Variants in IL17RE observed in about 807,000 individuals in gnomAD.
IL17RE encodes the protein interleukin 17 receptor E.
A neutral mutation model predicts 70.7 loss-of-function variants in IL17RE; 47 were observed. That is an observed-to-expected ratio of 0.67 (90% confidence interval 0.53 to 0.85). The LOEUF is 0.85. IL17RE is among the 40% of genes least tolerant of loss of function. IL17RE has a pLI of 0.00. For synonymous variants in IL17RE, 372 were observed against 381.2 expected, an observed-to-expected ratio of 0.98 and a Z score of 0.28; for missense variants, 850 against 893.9, an observed-to-expected ratio of 0.95 and a Z score of 0.63.
rs1471921078 is a variant in IL17RE, at chr3:9,915,432, G to A, written c.1629G>A (p.Ala543=). 2.2e-6 allele frequency: 3 copies of A among 1,356,092 alleles called. No individual in the cohort carries two copies. The highest frequency in any genetic ancestry group is 1.9e-5 in the South Asian group (1 of 53,128). The allele number at this position is 1,356,092 out of a possible 1,614,324, so 84.0% of individuals were successfully genotyped here. Residue 543 remains alanine, a synonymous_variant, in exon 16 of 16, where the codon GCG becomes GCA. Coordinates refer to ENST00000383814, the MANE Select transcript of IL17RE (RefSeq NM_153480.2). The surrounding 1 kb of genome is among the most constrained non-coding windows in gnomAD (Gnocchi z 4.9). ...TGGGCCCGCTGCCGTGGCTCTGGGC[G>A]GCGCGGACGCGCGTAGCGCGGGAGC... The part of the protein sequence containing the change: ...ARVGPLPWLW[A]ARTRVAREQG...
At position 9,908,319 on chromosome 3, in the gene IL17RE, A is replaced by G; in HGVS notation, c.735+12A>G. ...GTCTGTGCATAGAGGTGAGCAAAGG[A>G]AAAGGTGTGGGCTGTCCATGGCTCT... is the stretch of plus-strand genomic sequence containing the variant. On this transcript the variant is annotated intron_variant, in intron 7 of 15. Transcript: ENST00000383814. 1 of 1,611,610 alleles carries G rather than the reference A, an allele frequency of 6.2e-7. No homozygotes were observed. The highest frequency in any genetic ancestry group is 8.5e-7 in the Non-Finnish European group (1 of 1,177,946).
rs188907497 is a variant in IL17RE, at chr3:9,906,725, G to T, written c.386G>T (p.Arg129Leu). The change falls in exon 5 of 16, where the codon CGT becomes CTT. Residue 129 changes from arginine (R) to leucine (L), a missense_variant. Transcript: ENST00000383814. ...CTTTAGAGGAAGCTGCTGCCTCGTCGTCACCTGTCTGAGAAGAGCCATCAC... is the reference window on the plus strand; with the variant it reads ...CTTTAGAGGAAGCTGCTGCCTCGTCTTCACCTGTCTGAGAAGAGCCATCAC... ...APAQRKLLPR[R>L]HLSEKSHHIS... 1 of 1,614,038 alleles carries T rather than the reference G, an allele frequency of 6.2e-7. No individual in the cohort carries two copies. The highest frequency in any genetic ancestry group is 8.5e-7 in the Non-Finnish European group (1 of 1,180,046).
At position 9,914,543 on chromosome 3, in the gene IL17RE, C is replaced by T; in HGVS notation, c.1297-5C>T. ...TCATAGGGGTGGGGGGCTCTGTGCCCTCAGGTGTGGCGGTCAGATGTCCAG... is the reference window on the plus strand; with the variant it reads ...TCATAGGGGTGGGGGGCTCTGTGCCTTCAGGTGTGGCGGTCAGATGTCCAG... On this transcript the variant is annotated splice_polypyrimidine_tract_variant and splice_region_variant and intron_variant, in intron 13 of 15. Coordinates refer to ENST00000383814, the MANE Select transcript of IL17RE (RefSeq NM_153480.2). The T allele has an allele frequency of 6.2e-7, 1 of 1,613,928 alleles. No homozygotes were observed. Among genetic ancestry groups the T allele is most frequent in the Non-Finnish European group, 8.5e-7 (1 of 1,179,900 alleles).
chr3:9,907,408 A>AATT (rs1231415247), intron 6 of IL17RE, among the ~76,000 whole-genome samples: 1 of 151,162 alleles, frequency 6.6e-6, no homozygotes, highest in African/African-American at 2.5e-5. Context: ...TTAATTAATT[A>AATT]AATTAAATTT....
chr3:9,905,094 CAAAAAAAA>C (rs71626946), intron 3 of IL17RE, among the ~76,000 whole-genome samples: 27 of 56,158 alleles, frequency 4.8e-4, no homozygotes, highest in Non-Finnish European at 1.9e-4. Flanking sequence ...GACCCTGTCT[CAAAAAAAA>C]AAAAAAAAAA....
intron 4 of IL17RE, 28 bp from the exon 5 acceptor site, chr3:9,906,677 CT>C (rs759911002): frequency 1.2e-6 from 2 of 1,611,898 alleles, no homozygotes; most frequent in South Asian, 2.2e-5. Flanking sequence ...GATTTCTGGC[CT>C]GAGGCCAACC....
Position 9,915,845 on chromosome 3 carries a change from A to C in IL17RE, c.*38A>C, listed in dbSNP as rs1208898880. ...CGCAGTCCCGGGTGTCTGCGGCCGCAACGCAACGGACACTGGCTGGAACCC... is the reference window on the plus strand; with the variant it reads ...CGCAGTCCCGGGTGTCTGCGGCCGCCACGCAACGGACACTGGCTGGAACCC... On this transcript the variant is annotated 3_prime_UTR_variant, in exon 16 of 16. Transcript: ENST00000383814. This position sits in a 1 kb window ranked among gnomAD's most constrained non-coding sequence, Gnocchi z 4.9. The C allele has an allele frequency of 1.8e-5, 27 of 1,464,910 alleles. No homozygotes were observed. The South Asian group carries it at 3.5e-4, about 19-fold the overall frequency. 90.7% of individuals were successfully genotyped at this position (1,464,910 alleles called of 1,614,324 possible). A position where few individuals can be genotyped will look rare whatever the true frequency, so the allele number is the denominator to read the frequency against.
chr3:9,910,776 C>T (rs1481291917), intron 8 of IL17RE, 89 bp from the exon 9 acceptor site: 3 of 1,184,472 alleles, frequency 2.5e-6, no homozygotes, highest in Admixed American at 2.2e-5. Context: ...CTTTTACAAA[C>T]ATTATCTCCA....
At chr3:9,909,364 C>T in intron 8 of IL17RE, 81 bp downstream of exon 8, 1 of 1,155,136 alleles carries the variant, frequency 8.7e-7, no homozygotes. Flanking sequence ...TACACACACA[C>T]ACACACACAC....
In IL17RE at chr3:9,911,214, T is replaced by C. The variant is rs375541320; in HGVS notation, c.1026+40T>C. 8 of 1,614,202 alleles carry C rather than the reference T, an allele frequency of 5.0e-6. No homozygotes were observed. The African/African-American group carries it at 1.1e-4, about 22-fold the overall frequency. On this transcript the variant is annotated intron_variant, in intron 10 of 15. Transcript: ENST00000383814. Reference sequence around the variant, plus strand: ...AAGAAAAGATGTGGTGTAGTGGGTATTGCCTGGAGCTTGCTAATCTGCCAT... The same window carrying C: ...AAGAAAAGATGTGGTGTAGTGGGTACTGCCTGGAGCTTGCTAATCTGCCAT...
chr3:9,910,965 T>TTC lies in IL17RE; in HGVS notation c.903_904insTC (p.Ala302SerfsTer65), dbSNP rs745644445. The TTC allele has an allele frequency of 4.0e-5, 65 of 1,614,172 alleles. No homozygotes were observed. Among genetic ancestry groups the TTC allele is most frequent in the Non-Finnish European group, 5.2e-5 (61 of 1,180,018 alleles). ...TCCGCTGCCCACTGAAGCTGGAAGC[T>TTC]GCCCTCTGCCAGAGGCACGACTGGC... is the stretch of plus-strand genomic sequence containing the variant. On this transcript the variant is annotated frameshift_variant, in exon 9 of 16. Transcript: ENST00000383814. LOFTEE classifies it high-confidence loss of function.
rs776452599 is a variant in IL17RE at position 9,906,353 on chromosome 3, C to T, written c.269-11C>T. 10 of 1,593,166 alleles carry T rather than the reference C, an allele frequency of 6.3e-6. No individual in the cohort carries two copies. The highest frequency in any genetic ancestry group is 7.8e-6 in the Non-Finnish European group (9 of 1,161,234). On this transcript the variant is annotated splice_polypyrimidine_tract_variant and intron_variant, in intron 3 of 15. Transcript: ENST00000383814. ...TGAGGGCTAGATAGTAAGTACGTCT[C>T]CCCTGCACAGGTCTTCAACGGGGCC...
intron 1 of IL17RE, 92 bp from the exon 2 acceptor site, chr3:9,903,304 AT>A: frequency 6.9e-7 from 1 of 1,454,470 alleles, no homozygotes; most frequent in South Asian, 1.1e-5. Flanking sequence ...GAATTTGCTG[AT>A]TTGAAGCAAA....
rs1416886049 is a variant in IL17RE, at chr3:9,910,913, A to G, written c.851A>G (p.His284Arg). The change falls in exon 9 of 16, where the codon CAC (histidine) becomes CGC (arginine). Residue 284 changes from histidine to arginine, a missense_variant. By Grantham distance (29) the His-to-Arg change is conservative. Transcript: ENST00000383814. ...KSVHFTDYSQ[H>R]TQMVMALTLR... The stretch of plus-strand genomic sequence containing the variant: ...GTGCACTTCACTGACTACAGCCAGC[A>G]CACTCAGATGGTCATGGCCCTGACA... The G allele has an allele frequency of 2.5e-6, 4 of 1,614,056 alleles. No individual in the cohort carries two copies. Among genetic ancestry groups the G allele is most frequent in the Non-Finnish European group, 3.4e-6 (4 of 1,180,038 alleles).
chr3:9,906,724 C>A lies in IL17RE; in HGVS notation c.385C>A (p.Arg129Ser). 1 of 1,614,202 alleles carries A rather than the reference C, an allele frequency of 6.2e-7. No individual in the cohort carries two copies. Among genetic ancestry groups the A allele is most frequent in the Non-Finnish European group, 8.5e-7 (1 of 1,180,040 alleles). ...CCTTTAGAGGAAGCTGCTGCCTCGT[C>A]GTCACCTGTCTGAGAAGAGCCATCA... ...APAQRKLLPRRHLSEKSHHIS... is the reference protein window; with the variant it reads ...APAQRKLLPRSHLSEKSHHIS... The change falls in exon 5 of 16, where the codon CGT (arginine) becomes AGT (serine). Residue 129 changes from arginine to serine, a missense_variant. Physicochemically the swap from Arg to Ser is moderately radical, Grantham distance 110. Coordinates refer to ENST00000383814, the MANE Select transcript of IL17RE (RefSeq NM_153480.2).
chr3:9,908,890 G>C (rs1158324999), intron 7 of IL17RE, among the ~76,000 whole-genome samples: 3 of 152,184 alleles, frequency 2.0e-5, no homozygotes, highest in South Asian at 2.1e-4. Context: ...AGCCAACACA[G>C]AGCACTGGGT....
chr3:9,903,810 T>G (rs1023726653), intron 2 of IL17RE, among the ~76,000 whole-genome samples: 2 of 152,246 alleles, frequency 1.3e-5, no homozygotes, highest in Non-Finnish European at 2.9e-5. Flanking sequence ...CTTCCTATTT[T>G]ATGGTATGTT....
rs2082668008 is a variant in IL17RE, at chr3:9,902,905, T to C, written c.-28T>C. On this transcript the variant is annotated 5_prime_UTR_variant, in exon 1 of 16. Transcript: ENST00000383814. ...CCACCTTCAGGCCATGCAGCCATGT[T>C]CCGGGAGCCCTAATTGCACAGAAGC... 1.2e-6 allele frequency: 2 copies of C among 1,614,192 alleles called. No individual in the cohort carries two copies. The highest frequency in any genetic ancestry group is 1.7e-6 in the Non-Finnish European group (2 of 1,180,018).
Position 9,906,481 on chromosome 3 carries a change from C to T in IL17RE, c.366+20C>T, listed in dbSNP as rs1303419395. 1 of 1,555,010 alleles carries T rather than the reference C, an allele frequency of 6.4e-7. No individual in the cohort carries two copies. Among genetic ancestry groups the T allele is most frequent in the Non-Finnish European group, 8.9e-7 (1 of 1,126,632 alleles). The stretch of plus-strand genomic sequence containing the variant: ...GCTCAGGTACTCTCCCTGTCAGTTC[C>T]AGCCCTACCTGACGCCCCACAGACC... On this transcript the variant is annotated intron_variant, in intron 4 of 15. Transcript: ENST00000383814.
Sources: allele counts gnomAD v4.1 joint callset (sites outside exome capture counted in the v4.1 genomes callset), GRCh38; gene constraint gnomAD v4.1.1; non-coding constraint Gnocchi (gnomAD v3.1); transcripts MANE v1.5; gene names NCBI Gene and HGNC (gene_info 2026-07-23, HGNC 2026-07-21).